NEGR1: variants seen among roughly 807,000 people sequenced by gnomAD.
NEGR1 encodes IgLON family member 4.
A neutral mutation model predicts 40.9 loss-of-function variants in NEGR1; 10 were observed. The observed-to-expected ratio is 0.24, with a 90% CI of 0.15 to 0.42. NEGR1 has a LOEUF of 0.42. Ranked by LOEUF, NEGR1 falls within the 10% of genes least tolerant of loss-of-function variation. The pLI is 1.00. For missense variants in NEGR1, 352 were observed against 438.9 expected (o/e 0.80, Z 1.77); for synonymous variants, 185 against 166.8 (o/e 1.11, Z -0.84).
intron 1 of NEGR1, among the ~76,000 whole-genome samples, chr1:72,049,008 T>C (rs1413766943): frequency 6.6e-6 from 1 of 151,442 alleles, no homozygotes; most frequent in Non-Finnish European, 1.5e-5. Flanking sequence ...TATAATGAAA[T>C]AGGAAATTTG....
intron 1 of NEGR1, among the ~76,000 whole-genome samples, chr1:72,032,085 A>G (rs866247884): frequency 3.3e-5 from 5 of 152,196 alleles, no homozygotes; most frequent in African/African-American, 1.2e-4. Context: ...GGTTGGTCTG[A>G]CTCAAAAACA....
intron 3 of NEGR1, among the ~76,000 whole-genome samples, chr1:71,705,795 G>T (rs760250077): frequency 2.7e-5 from 4 of 148,642 alleles, no homozygotes; most frequent in African/African-American, 5.0e-5. Context: ...GAAAGGAAAA[G>T]AAAAGAAAAG....
intron 4 of NEGR1, among the ~76,000 whole-genome samples, chr1:71,639,779 T>C (rs1282223569): frequency 6.6e-6 from 1 of 151,924 alleles, no homozygotes; most frequent in Non-Finnish European, 1.5e-5. Context: ...GCAGCATGAA[T>C]GGAGACGTAC....
chr1:72,222,935 G>C (rs1037144082), intron 1 of NEGR1, among the ~76,000 whole-genome samples: 1 of 152,110 alleles, frequency 6.6e-6, no homozygotes, highest in Non-Finnish European at 1.5e-5. Context: ...ACAGTTTAAA[G>C]AGCTCCCTAT....
chr1:71,552,658 T>C (rs1315171347), intron 6 of NEGR1, among the ~76,000 whole-genome samples: 2 of 150,462 alleles, frequency 1.3e-5, no homozygotes, highest in Non-Finnish European at 3.0e-5. Context: ...TATGTATATA[T>C]AGTATTGTAT....
intron 6 of NEGR1, among the ~76,000 whole-genome samples, chr1:71,495,866 A>G (rs2101392883): frequency 6.6e-6 from 1 of 152,318 alleles, no homozygotes; most frequent in Non-Finnish European, 1.5e-5. Context: ...AGTTCTATCA[A>G]CATGTTTTAA....
At chr1:72,240,740 C>T (rs1654705176) in intron 1 of NEGR1, among the ~76,000 whole-genome samples, 1 of 151,792 alleles carries the variant, frequency 6.6e-6, no homozygotes, top group Non-Finnish European at 1.5e-5. Flanking sequence ...AGAAAGTTAG[C>T]CAAAGCTTTT....
rs1046915589 is a variant in NEGR1 at position 71,625,660 on chromosome 1, G to T, written c.668-14514C>A. On this transcript the variant is annotated intron_variant, in intron 4 of 6. Coordinates refer to ENST00000357731, the MANE Select transcript of NEGR1 (RefSeq NM_173808.3). ...ATATGTGTTTAGTTGATATTTATGT[G>T]TTATTTTTCTATATTTTATATATAT... is the stretch of plus-strand genomic sequence containing the variant. Among the ~76,000 whole-genome samples the T allele has an allele frequency of 5.9e-5, 9 of 151,352 alleles. No homozygotes were observed. The South Asian group carries it at 1.9e-3, about 31-fold the overall frequency.
At chr1:72,135,202 C>A (rs1295421455) in intron 1 of NEGR1, among the ~76,000 whole-genome samples, 84 of 149,450 alleles carry the variant, frequency 5.6e-4, no homozygotes, top group African/African-American at 2.0e-3. Flanking sequence ...CGGTGAAACC[C>A]CGTCTGTACT....
chr1:72,098,504 A>C (rs1175284556), intron 1 of NEGR1, among the ~76,000 whole-genome samples: 1 of 152,108 alleles, frequency 6.6e-6, no homozygotes, highest in Admixed American at 6.6e-5. Context: ...ATCAAGAATC[A>C]TTTCAAGACC....
At chr1:71,917,910 T>C (rs1367036989) in intron 2 of NEGR1, among the ~76,000 whole-genome samples, 1 of 151,020 alleles carries the variant, frequency 6.6e-6, no homozygotes, top group Non-Finnish European at 1.5e-5. Context: ...TGTGCTCTAC[T>C]GCAACGTTAA....
intron 1 of NEGR1, among the ~76,000 whole-genome samples, chr1:71,958,908 T>C (rs1450379634): frequency 6.6e-6 from 1 of 151,156 alleles, no homozygotes; most frequent in Non-Finnish European, 1.5e-5. Flanking sequence ...TAAGCCGAGA[T>C]TGTGCCACTG....
intron 4 of NEGR1, among the ~76,000 whole-genome samples, chr1:71,660,493 G>GA (rs200548635): frequency 0.018 from 2,773 of 151,118 alleles, 94 homozygotes; most frequent in African/African-American, 0.063. Context: ...GTTTAAAAAA[G>GA]AAAAAAAAGT....
chr1:71,995,368 G>T (rs1178137531), intron 1 of NEGR1, among the ~76,000 whole-genome samples: 1 of 152,006 alleles, frequency 6.6e-6, no homozygotes, highest in Non-Finnish European at 1.5e-5. Context: ...TATGTATTTT[G>T]ATTATACCAT....
At chr1:72,206,931 A>T (rs540839469) in intron 1 of NEGR1, among the ~76,000 whole-genome samples, 2 of 152,080 alleles carry the variant, frequency 1.3e-5, no homozygotes, top group African/African-American at 4.8e-5. Context: ...AGTAGAATTA[A>T]TCACAAAGAC....
At chr1:71,729,486 C>T (rs1654782646) in intron 3 of NEGR1, among the ~76,000 whole-genome samples, 1 of 151,896 alleles carries the variant, frequency 6.6e-6, no homozygotes, top group Non-Finnish European at 1.5e-5. Context: ...TTCTATTTTG[C>T]TCACTATTTG....
At chr1:72,168,456 T>C (rs1651846136) in intron 1 of NEGR1, among the ~76,000 whole-genome samples, 2 of 152,060 alleles carry the variant, frequency 1.3e-5, no homozygotes, top group Non-Finnish European at 2.9e-5. Flanking sequence ...ATTTTGAAAG[T>C]TAAGAAAATG....
intron 1 of NEGR1, among the ~76,000 whole-genome samples, chr1:72,226,987 T>TA (rs1293672703): frequency 2.0e-5 from 3 of 152,090 alleles, no homozygotes; most frequent in Admixed American, 1.3e-4. Flanking sequence ...GGAACCTATA[T>TA]ACATGCAAAA....
intron 1 of NEGR1, among the ~76,000 whole-genome samples, chr1:71,962,366 A>G (rs1646172526): frequency 6.6e-6 from 1 of 152,108 alleles, no homozygotes; most frequent in African/African-American, 2.4e-5. Context: ...TTGCTTTTGC[A>G]TATTCTTCCT....
Sources: allele counts gnomAD v4.1 joint callset (sites outside exome capture counted in the v4.1 genomes callset), GRCh38; gene constraint gnomAD v4.1.1; transcripts MANE v1.5; gene names NCBI Gene and HGNC (gene_info 2026-07-23, HGNC 2026-07-21).